ABI3BP: variants seen among roughly 807,000 people sequenced by gnomAD.
ABI3BP encodes the protein target of Nesh-SH3.
ABI3BP carries 216 observed loss-of-function variants against 268.6 expected under a neutral mutation model. That is an observed-to-expected ratio of 0.80 (90% CI 0.72 to 0.90). ABI3BP has a LOEUF of 0.90. Among genes scored for constraint, ABI3BP ranks in the 40% least tolerant of loss-of-function variants. The pLI is 0.00. For synonymous variants in ABI3BP, 730 were observed against 730.0 expected (o/e 1.00, Z 0.00); for missense variants, 2,090 against 2,182.4 (o/e 0.96, Z 0.84).
intron 6 of ABI3BP, among the ~76,000 whole-genome samples, chr3:100,881,122 G>T (rs1581727117): frequency 6.6e-6 from 1 of 152,132 alleles, no homozygotes; most frequent in Non-Finnish European, 1.5e-5. Flanking sequence ...CTTTCAAAAG[G>T]CTTCAAATTT....
At chr3:100,911,383 A>G (rs1308971393) in intron 2 of ABI3BP, 5 of 263,440 alleles carry the variant, frequency 1.9e-5, no homozygotes, top group Non-Finnish European at 3.6e-5. Flanking sequence ...GTCTTTTTAG[A>G]TATTCTTCTC....
Position 100,751,571 on chromosome 3 carries a change from G to A in ABI3BP, c.5226C>T (p.Asp1742=). The change falls in exon 67 of 68, where the codon GAC becomes GAT. Residue 1742 remains aspartate, a synonymous_variant. Transcript: ENST00000471714. ...DGRTGQQLTS[D]QLPIKEGYFR... ...ACATACCTTCTTTGATTGGTAACTG[G>A]TCAGAAGTGAGTTGCTGCCCAGTGC... The A allele has an allele frequency of 6.3e-7, 1 of 1,594,944 alleles. No individual in the cohort carries two copies. Among genetic ancestry groups the A allele is most frequent in the Non-Finnish European group, 8.6e-7 (1 of 1,169,410 alleles).
chr3:100,906,428 T>C (rs1447221540), intron 2 of ABI3BP, among the ~76,000 whole-genome samples: 1 of 152,202 alleles, frequency 6.6e-6, no homozygotes, highest in African/African-American at 2.4e-5. Context: ...TGTGCTCTAT[T>C]GGGGACACAG....
chr3:100,899,336 C>G (rs1361265205), intron 3 of ABI3BP, among the ~76,000 whole-genome samples: 4 of 152,110 alleles, frequency 2.6e-5, no homozygotes, highest in African/African-American at 9.7e-5. Flanking sequence ...TGTGAAATAA[C>G]ATCTAAGACA....
chr3:100,958,620 A>G (rs1182557018), intron 1 of ABI3BP, among the ~76,000 whole-genome samples: 1 of 37,302 alleles, frequency 2.7e-5, no homozygotes, highest in African/African-American at 1.0e-4. Flanking sequence ...CAAGAAAGAA[A>G]ACAAACAACC....
intron 57 of ABI3BP, among the ~76,000 whole-genome samples, chr3:100,786,504 T>C (rs759396820): frequency 6.6e-6 from 1 of 152,178 alleles, no homozygotes; most frequent in Non-Finnish European, 1.5e-5. Flanking sequence ...GAATCAGTAT[T>C]ATAGTGAAGG....
Position 100,866,972 on chromosome 3 carries a change from A to G in ABI3BP, c.911-16T>C. 1 of 1,607,920 alleles carries G rather than the reference A, an allele frequency of 6.2e-7. No homozygotes were observed. Among genetic ancestry groups the G allele is most frequent in the Non-Finnish European group, 8.5e-7 (1 of 1,175,336 alleles). On this transcript the variant is annotated splice_polypyrimidine_tract_variant and intron_variant, in intron 9 of 67. Transcript: ENST00000471714. ...TCATTCTTAGCTAAAAAGTCAGAGA[A>G]CAAACAATTTATCTCACTTGCAGTG...
rs1462769488 is a variant in ABI3BP at position 100,902,679 on chromosome 3, C to G, written c.267G>C (p.Glu89Asp). ...GKFTEAIVDAEPKYLIVVRPA... is the reference protein window; with the variant it reads ...GKFTEAIVDADPKYLIVVRPA... ...GTCGCACAACTATCAGATATTTCGG[C>G]TCTGCATCTGGAAGCAATAACATTA... is the stretch of plus-strand genomic sequence containing the variant. Residue 89 changes from glutamate to aspartate, a missense_variant, in exon 3 of 68, where the codon GAG (glutamate) becomes GAC (aspartate). Physicochemically the swap from Glu to Asp is conservative, Grantham distance 45. Transcript: ENST00000471714. 6.2e-7 allele frequency: 1 copy of G among 1,613,686 alleles called. No homozygotes were observed. The highest frequency in any genetic ancestry group is 8.5e-7 in the Non-Finnish European group (1 of 1,179,828).
At chr3:100,889,479 T>A (rs1198631250) in intron 4 of ABI3BP, among the ~76,000 whole-genome samples, 1 of 152,206 alleles carries the variant, frequency 6.6e-6, no homozygotes, top group Admixed American at 6.5e-5. Flanking sequence ...GTTTTTGTTT[T>A]AATGTGTATT....
chr3:100,845,218 C>G (rs1452228795), intron 20 of ABI3BP, among the ~76,000 whole-genome samples: 2 of 152,180 alleles, frequency 1.3e-5, no homozygotes, highest in Non-Finnish European at 2.9e-5. Flanking sequence ...AAACCCTTCT[C>G]TCATACAGCT....
chr3:100,964,711 C>CT (rs2080605778), intron 1 of ABI3BP, among the ~76,000 whole-genome samples: 1 of 152,212 alleles, frequency 6.6e-6, no homozygotes, highest in Admixed American at 6.5e-5. Flanking sequence ...CCACAAGAGG[C>CT]ACCCAACAGC....
At chr3:100,827,093 C>A (rs1316132655) in intron 34 of ABI3BP, among the ~76,000 whole-genome samples, 1 of 152,074 alleles carries the variant, frequency 6.6e-6, no homozygotes, top group East Asian at 1.9e-4. Flanking sequence ...TGTTGAAACC[C>A]AAATTCATTT....
chr3:100,958,536 C>T (rs972192388), intron 1 of ABI3BP, among the ~76,000 whole-genome samples: 9 of 152,168 alleles, frequency 5.9e-5, no homozygotes, highest in African/African-American at 1.9e-4. Flanking sequence ...TGAAAGTGTC[C>T]TAAAACTTTT....
chr3:100,895,857 G>C (rs2047433124), intron 4 of ABI3BP, among the ~76,000 whole-genome samples: 2 of 152,188 alleles, frequency 1.3e-5, no homozygotes, highest in South Asian at 2.1e-4. Context: ...AGTTCTGGCA[G>C]ATTTATTTGG....
In ABI3BP at chr3:100,795,679, A is replaced by G. The variant is rs1433972702; in HGVS notation, c.3865+125T>C. On this transcript the variant is annotated intron_variant, in intron 53 of 67. Coordinates refer to ENST00000471714, the MANE Select transcript of ABI3BP (RefSeq NM_001375547.2). ...CTTTTCTGTTTTGGAAAGAGTAATA[A>G]TAATGAGAATGAAATGATGAATGGA... 2.0e-5 allele frequency: 16 copies of G among 808,536 alleles called. No homozygotes were observed. In the South Asian group the frequency reaches 2.7e-4, roughly 14 times the overall value. 50.1% of individuals were successfully genotyped at this position (808,536 alleles called of 1,614,324 possible).
At chr3:100,985,376 C>T (rs141983801) in intron 1 of ABI3BP, among the ~76,000 whole-genome samples, 6,814 of 151,960 alleles carry the variant, frequency 0.045, 257 homozygotes, top group African/African-American at 0.1. Context: ...GTCTCGATCC[C>T]CTGACCTCGT....
In ABI3BP at chr3:100,765,910, C is replaced by T; in HGVS notation, c.4781G>A (p.Gly1594Glu). The T allele has an allele frequency of 1.2e-6, 2 of 1,612,826 alleles. No homozygotes were observed. Among genetic ancestry groups the T allele is most frequent in the South Asian group, 2.2e-5 (2 of 90,722 alleles). ...TGTCATTTGAATGGACTTGTTCTTC[C>T]CACTGAATGACCCATTTTCTCTGGA... Reference protein sequence around the residue: ...VISRENGSFSGKNKSIQMTNQ... With the variant: ...VISRENGSFSEKNKSIQMTNQ... Residue 1594 changes from glycine to glutamate, a missense_variant, in exon 63 of 68, where the codon GGG (glycine) becomes GAG (glutamate). Gly to Glu is a moderately conservative substitution (Grantham distance 98). Transcript: ENST00000471714.
intron 49 of ABI3BP, among the ~76,000 whole-genome samples, chr3:100,809,061 G>T (rs1280507552): frequency 6.6e-6 from 1 of 152,036 alleles, no homozygotes; most frequent in Non-Finnish European, 1.5e-5. Flanking sequence ...GAAGGAGTCT[G>T]CAGAATCTTC....
rs5851228 is a variant in ABI3BP at position 100,861,696 on chromosome 3, G to GAAA, written c.1285+612_1285+614dup. Among the ~76,000 whole-genome samples, 1,335 of 142,704 alleles carry GAAA rather than the reference G, an allele frequency of 9.4e-3. 13 individuals are homozygous for GAAA. Among genetic ancestry groups the GAAA allele is most frequent in the African/African-American group, 0.032 (1,250 of 38,750 alleles). 93.6% of individuals were successfully genotyped at this position (142,704 alleles called of 152,430 possible). On this transcript the variant is annotated intron_variant, in intron 14 of 67. Coordinates refer to ENST00000471714, the MANE Select transcript of ABI3BP (RefSeq NM_001375547.2). ...GATGGAACACAAGAATTCTCCACAG[G>GAAA]AAAAAAAAAAAAGCCAATTGCTACA...
Sources: gnomAD v4.1 joint callset for allele counts (sites outside exome capture counted in the v4.1 genomes callset) on GRCh38, gnomAD v4.1.1 for gene constraint, MANE v1.5 for transcripts, NCBI Gene and HGNC (gene_info 2026-07-23, HGNC 2026-07-21) for gene names.